The following GNAQ variants were observed in gnomAD, a reference collection of about 807,000 sequenced individuals.
The protein encoded by GNAQ is guanine nucleotide-binding protein G(q) subunit alpha.
In GNAQ, 8 loss-of-function variants were observed where a neutral mutation model predicts 43.9. That is an observed-to-expected ratio of 0.18 (90% confidence interval 0.11 to 0.33). The LOEUF (loss-of-function observed/expected upper bound fraction) is 0.33, where lower values mean the gene tolerates loss of function less well. GNAQ is among the 10% of genes least tolerant of loss of function. GNAQ has a pLI of 1.00. For missense variants in GNAQ, 158 were observed against 450.8 expected (o/e 0.35, Z 5.88); for synonymous variants, 155 against 170.7 (o/e 0.91, Z 0.71).
intron 5 of GNAQ, among the ~76,000 whole-genome samples, chr9:77,772,570 T>C (rs1239817391): frequency 6.6e-6 from 1 of 152,212 alleles, no homozygotes; most frequent in Non-Finnish European, 1.5e-5. Flanking sequence ...GTTGCAAGGC[T>C]GAGCAGGTAC....
intron 2 of GNAQ, among the ~76,000 whole-genome samples, chr9:77,878,020 A>G (rs1316386444): frequency 1.3e-5 from 2 of 152,000 alleles, no homozygotes; most frequent in African/African-American, 2.4e-5. Flanking sequence ...CCTCTTTCCC[A>G]CTAGCCTGGG....
intron 2 of GNAQ, among the ~76,000 whole-genome samples, chr9:77,834,506 CT>C (rs35514699): frequency 1.3e-5 from 2 of 150,898 alleles, no homozygotes; most frequent in East Asian, 1.9e-4. Flanking sequence ...ACTATTCTTT[CT>C]TTTTTTTTAA....
At chr9:77,873,351 T>C (rs1319135361) in intron 2 of GNAQ, among the ~76,000 whole-genome samples, 1 of 152,224 alleles carries the variant, frequency 6.6e-6, no homozygotes, top group African/African-American at 2.4e-5. Context: ...GGGAAATAAA[T>C]GCTTATGTAT....
At chr9:77,755,515 A>G (rs1302464410) in intron 5 of GNAQ, among the ~76,000 whole-genome samples, 2 of 152,230 alleles carry the variant, frequency 1.3e-5, no homozygotes, top group African/African-American at 2.4e-5. Context: ...TTAAAAAAAG[A>G]AACTTCAAGG....
At chr9:78,028,345 T>C (rs1359949865) in intron 1 of GNAQ, among the ~76,000 whole-genome samples, 1 of 152,144 alleles carries the variant, frequency 6.6e-6, no homozygotes, top group Non-Finnish European at 1.5e-5. Context: ...CGGAATAAAT[T>C]TGGAAGACTG....
chr9:77,829,569 C>G (rs980422295), intron 2 of GNAQ, among the ~76,000 whole-genome samples: 12 of 152,222 alleles, frequency 7.9e-5, no homozygotes, highest in Admixed American at 2.0e-4. Context: ...ATGACTGCGG[C>G]TTGAAGCTCC....
intron 2 of GNAQ, among the ~76,000 whole-genome samples, chr9:77,841,009 A>C (rs1184003425): frequency 6.6e-6 from 1 of 151,898 alleles, no homozygotes. Flanking sequence ...AAGAAACAGC[A>C]CTCCCTCTAC....
intron 1 of GNAQ, among the ~76,000 whole-genome samples, chr9:78,001,196 G>A (rs1441547749): frequency 6.6e-6 from 1 of 152,058 alleles, no homozygotes; most frequent in South Asian, 2.1e-4. Flanking sequence ...TCAGGAGTTA[G>A]AGACCAGCCT....
chr9:77,833,316 G>T (rs1827331756), intron 2 of GNAQ, among the ~76,000 whole-genome samples: 1 of 152,178 alleles, frequency 6.6e-6, no homozygotes, highest in African/African-American at 2.4e-5. Flanking sequence ...TTTCCCCAAA[G>T]GGTAGTAGCA....
At chr9:77,903,556 C>G (rs1361377307) in intron 2 of GNAQ, among the ~76,000 whole-genome samples, 5 of 152,132 alleles carry the variant, frequency 3.3e-5, no homozygotes, top group African/African-American at 7.2e-5. Flanking sequence ...CTTCCTTTCC[C>G]CAGGGGCTAA....
At chr9:77,937,530 C>T (rs953048947) in intron 1 of GNAQ, among the ~76,000 whole-genome samples, 2 of 152,152 alleles carry the variant, frequency 1.3e-5, no homozygotes, top group South Asian at 2.1e-4. Flanking sequence ...CATTTTAGAA[C>T]GTTTCCATTT....
At chr9:77,722,064 GT>G (rs1264757974) in intron 6 of GNAQ, among the ~76,000 whole-genome samples, 1 of 151,848 alleles carries the variant, frequency 6.6e-6, no homozygotes, top group Non-Finnish European at 1.5e-5. Flanking sequence ...TAGATTTCTG[GT>G]ATTTCTGAGC....
At chr9:77,999,946 G>A (rs1423274935) in intron 1 of GNAQ, among the ~76,000 whole-genome samples, 1 of 152,108 alleles carries the variant, frequency 6.6e-6, no homozygotes, top group Non-Finnish European at 1.5e-5. Context: ...GCTTCCTTGA[G>A]CCAAAACAGG....
intron 2 of GNAQ, among the ~76,000 whole-genome samples, chr9:77,863,887 C>T (rs1258530167): frequency 2.0e-5 from 3 of 152,114 alleles, no homozygotes; most frequent in Non-Finnish European, 4.4e-5. Flanking sequence ...AGGGAAAGAC[C>T]TGCCGCCATG....
intron 1 of GNAQ, among the ~76,000 whole-genome samples, chr9:78,022,735 C>T (rs1823926263): frequency 6.6e-6 from 1 of 152,124 alleles, no homozygotes; most frequent in South Asian, 2.1e-4. Flanking sequence ...CTCTCTAGGA[C>T]AAGAGGAAAA....
chr9:78,010,913 A>G (rs1823765394), intron 1 of GNAQ, among the ~76,000 whole-genome samples: 1 of 152,180 alleles, frequency 6.6e-6, no homozygotes, highest in Non-Finnish European at 1.5e-5. Flanking sequence ...ATTCCTACCT[A>G]TTCTAGCCAT....
intron 2 of GNAQ, among the ~76,000 whole-genome samples, chr9:77,835,489 G>A (rs542898338): frequency 2.6e-5 from 4 of 152,198 alleles, no homozygotes; most frequent in African/African-American, 9.6e-5. Flanking sequence ...AACTTTCATA[G>A]GGCTATCTTG....
At position 77,815,689 on chromosome 9, in the gene GNAQ, A is replaced by C. The variant is rs1305477251; in HGVS notation, c.403T>G (p.Leu135Val). 6.3e-7 allele frequency: 1 copy of C among 1,596,588 alleles called. No individual in the cohort carries two copies. Among genetic ancestry groups the C allele is most frequent in the African/African-American group, 1.3e-5 (1 of 74,540 alleles). The change falls in exon 3 of 7, where the codon TTA (leucine) becomes GTA (valine). Residue 135 changes from leucine to valine, a missense_variant. By Grantham distance (32) the Leu-to-Val change is conservative (BLOSUM62 1). This residue lies in a region of GNAQ where 5 missense variants were observed against 32.4 expected (regional missense o/e 0.15). Transcript: ENST00000286548. ...ENPYVDAIKSLWNDPGIQECY... is the reference protein window; with the variant it reads ...ENPYVDAIKSVWNDPGIQECY... ...TCCTGGATTCCAGGATCATTCCATA[A>C]ACTCTTTATTGCATCTACATATGGA...
At chr9:78,021,619 A>T (rs771376793) in intron 1 of GNAQ, among the ~76,000 whole-genome samples, 12 of 152,192 alleles carry the variant, frequency 7.9e-5, no homozygotes, top group Non-Finnish European at 1.5e-4. Flanking sequence ...AATATAAAGC[A>T]GCCCCCTAGA....
Sources: allele counts gnomAD v4.1 joint callset (sites outside exome capture counted in the v4.1 genomes callset), GRCh38; gene constraint gnomAD v4.1.1; regional missense constraint gnomAD v4.1.1; transcripts MANE v1.5; gene names NCBI Gene and HGNC (gene_info 2026-07-23, HGNC 2026-07-21).